The following KCNK9 variants were observed in gnomAD, a reference collection of about 807,000 sequenced individuals.
KCNK9 encodes the protein potassium two pore domain channel subfamily K member 9, also known as potassium channel subfamily K member 9.
Under a neutral mutation model 10.8 loss-of-function variants are expected in KCNK9, and 1 was observed. The ratio of observed to expected loss-of-function variants is 0.09; its 90% CI spans 0.03 to 0.44. The LOEUF (loss-of-function observed/expected upper bound fraction) is 0.44, where lower values mean the gene tolerates loss of function less well. Among genes scored for constraint, KCNK9 ranks in the 20% least tolerant of loss-of-function variants. The pLI is 0.97. For synonymous variants in KCNK9, 231 were observed against 222.7 expected, an observed-to-expected ratio of 1.04 and a Z score of -0.33; for missense variants, 303 against 515.0, an observed-to-expected ratio of 0.59 and a Z score of 3.98.
intron 1 of KCNK9, among the ~76,000 whole-genome samples, chr8:139,652,566 C>T (rs548134241): frequency 4.6e-5 from 7 of 152,140 alleles, no homozygotes; most frequent in African/African-American, 9.7e-5. Flanking sequence ...GGGCGGGGGC[C>T]GCCAGCCTGC....
downstream of KCNK9, among the ~76,000 whole-genome samples, chr8:139,609,116 G>GCCCCA (rs1490317093): frequency 3.3e-4 from 19 of 58,250 alleles, no homozygotes; most frequent in East Asian, 6.2e-4. Flanking sequence ...ACCCCACCCC[G>GCCCCA]CCCCGCTCCG....
chr8:139,623,478 G>A (rs1259624309), intron 1 of KCNK9, among the ~76,000 whole-genome samples: 1 of 152,140 alleles, frequency 6.6e-6, no homozygotes, highest in Non-Finnish European at 1.5e-5. Context: ...GCCCTGCCCA[G>A]TGCCCAACAC....
At chr8:139,700,544 GCA>G (rs145303403) in intron 1 of KCNK9, among the ~76,000 whole-genome samples, 20,717 of 142,068 alleles carry the variant, frequency 0.15, 1,596 homozygotes, top group African/African-American at 0.22. Flanking sequence ...ACACACGCGC[GCA>G]CACACACACA....
chr8:139,609,244 C>G (rs1814339255), downstream of KCNK9, among the ~76,000 whole-genome samples: 2 of 79,410 alleles, frequency 2.5e-5, no homozygotes, highest in South Asian at 9.2e-4. Flanking sequence ...CTCTGCCCCC[C>G]CACCCCCCCC....
At chr8:139,699,708 G>C (rs1817153525) in intron 1 of KCNK9, among the ~76,000 whole-genome samples, 1 of 152,232 alleles carries the variant, frequency 6.6e-6, no homozygotes, top group Non-Finnish European at 1.5e-5. Flanking sequence ...CCAGAGAGCT[G>C]GGGTGAGACT....
chr8:139,605,767 A>T (rs2257733), intron 2 of KCNK9, among the ~76,000 whole-genome samples: 17 of 152,368 alleles, frequency 1.1e-4, no homozygotes, highest in East Asian at 5.8e-4. Context: ...TTACAAAAGA[A>T]AGATGCAAAC....
At chr8:139,619,225 T>A in intron 1 of KCNK9, 126 bp from the exon 2 acceptor site, 1 of 1,091,576 alleles carries the variant, frequency 9.2e-7, no homozygotes, top group Non-Finnish European at 1.3e-6. Flanking sequence ...GGGAATTTCC[T>A]CTGCAGGGTA....
chr8:139,602,310 C>A (rs998213484), intron 2 of KCNK9, among the ~76,000 whole-genome samples: 2 of 152,204 alleles, frequency 1.3e-5, no homozygotes, highest in Non-Finnish European at 1.5e-5. Flanking sequence ...CACCAGTGTT[C>A]CGGGGAAAAC....
chr8:139,653,507 C>T (rs1433408477), intron 1 of KCNK9, among the ~76,000 whole-genome samples: 1 of 151,826 alleles, frequency 6.6e-6, no homozygotes, highest in Non-Finnish European at 1.5e-5. Context: ...AGACCTCCCC[C>T]ACCACCCCCG....
intron 1 of KCNK9, among the ~76,000 whole-genome samples, chr8:139,678,128 G>T (rs1034399223): frequency 6.6e-6 from 1 of 152,254 alleles, no homozygotes; most frequent in African/African-American, 2.4e-5. Context: ...CTTGGCCCTG[G>T]AGGTGACTGG....
chr8:139,631,971 GA>G (rs888672302), intron 1 of KCNK9, among the ~76,000 whole-genome samples: 2 of 152,214 alleles, frequency 1.3e-5, no homozygotes, highest in African/African-American at 4.8e-5. Flanking sequence ...AGAAGAGCAA[GA>G]GCCTTGAATG....
intron 1 of KCNK9, among the ~76,000 whole-genome samples, chr8:139,692,097 GC>G (rs1816945739): frequency 6.6e-6 from 1 of 152,212 alleles, no homozygotes; most frequent in South Asian, 2.1e-4. Flanking sequence ...TGAGACACCA[GC>G]CAGAGGACAA....
chr8:139,678,465 C>T (rs1370172509), intron 1 of KCNK9, among the ~76,000 whole-genome samples: 1 of 152,234 alleles, frequency 6.6e-6, no homozygotes, highest in Non-Finnish European at 1.5e-5. Context: ...GCACCCAGCT[C>T]GGCCCGTCTC....
chr8:139,653,210 C>T (rs570682963), intron 1 of KCNK9, among the ~76,000 whole-genome samples: 85 of 152,284 alleles, frequency 5.6e-4, no homozygotes, highest in Middle Eastern at 3.4e-3. Flanking sequence ...TTCCAAATGG[C>T]CGAGAGCCCT....
downstream of KCNK9, among the ~76,000 whole-genome samples, chr8:139,615,209 G>A (rs972654416): frequency 2.0e-5 from 3 of 152,158 alleles, no homozygotes; most frequent in African/African-American, 7.2e-5. Flanking sequence ...AAATCAGTGG[G>A]AAGACCTAGA....
chr8:139,637,845 AC>A (rs1249050135), intron 1 of KCNK9, among the ~76,000 whole-genome samples: 2 of 150,904 alleles, frequency 1.3e-5, no homozygotes, highest in African/African-American at 4.9e-5. Context: ...TAAGGCCTGA[AC>A]CCAGCAGCAG....
At chr8:139,602,453 G>C (rs1256467042) in intron 2 of KCNK9, among the ~76,000 whole-genome samples, 1 of 152,218 alleles carries the variant, frequency 6.6e-6, no homozygotes, top group Non-Finnish European at 1.5e-5. Context: ...ACGCAGCAAT[G>C]CCTGTTACAT....
At chr8:139,671,598 C>A (rs958077386) in intron 1 of KCNK9, among the ~76,000 whole-genome samples, 8 of 151,870 alleles carry the variant, frequency 5.3e-5, no homozygotes, top group Non-Finnish European at 1.0e-4. Flanking sequence ...GCAACCTCTG[C>A]CTTCAGGGTT....
At chr8:139,626,115 G>A (rs1814963959) in intron 1 of KCNK9, among the ~76,000 whole-genome samples, 1 of 152,172 alleles carries the variant, frequency 6.6e-6, no homozygotes, top group Non-Finnish European at 1.5e-5. Flanking sequence ...TGTCCCCACT[G>A]GAAAAAGGCA....
Sources: gnomAD v4.1 joint callset for allele counts (sites outside exome capture counted in the v4.1 genomes callset) on GRCh38, gnomAD v4.1.1 for gene constraint, MANE v1.5 for transcripts, NCBI Gene and HGNC (gene_info 2026-07-23, HGNC 2026-07-21) for gene names.